The following PIAS1 variants were observed in gnomAD, a reference collection of about 807,000 sequenced individuals.
PIAS1 encodes the protein E3 SUMO-protein ligase PIAS1.
A neutral mutation model predicts 71.3 loss-of-function variants in PIAS1; 6 were observed. The observed-to-expected ratio is 0.08, with a 90% CI of 0.05 to 0.17. The LOEUF is 0.17. Ranked by LOEUF, PIAS1 falls within the 10% of genes least tolerant of loss-of-function variation. The pLI is 1.00. For missense variants in PIAS1, 555 were observed against 793.6 expected, an observed-to-expected ratio of 0.70 and a Z score of 3.61; for synonymous variants, 303 against 292.9, an observed-to-expected ratio of 1.03 and a Z score of -0.35.
At chr15:68,062,483 A>G (rs28741975) in intron 1 of PIAS1, among the ~76,000 whole-genome samples, 1,742 of 152,294 alleles carry the variant, frequency 0.011, 31 homozygotes, top group African/African-American at 0.04. Context: ...ATATTTTTTC[A>G]CCTCGAAAAG....
rs1243808649 is a variant in PIAS1 at position 68,103,275 on chromosome 15, T to A, written c.469+16525T>A. ...GGAAAGCTTCAAGATAAAATGATAT[T>A]TTTTTTTCTGTGTTTAGGCTTTTGC... On this transcript the variant is annotated intron_variant, in intron 2 of 13. Coordinates refer to ENST00000249636, the MANE Select transcript of PIAS1 (RefSeq NM_016166.3). 2.0e-5 allele frequency among the ~76,000 whole-genome samples: 3 copies of A among 151,666 alleles called. No individual in the cohort carries two copies. In the East Asian group the frequency reaches 5.8e-4, roughly 29 times the overall value.
rs114352299 is a variant in PIAS1 at position 68,141,023 on chromosome 15, A to T, written c.470-923A>T. The stretch of plus-strand genomic sequence containing the variant: ...CAAAAGGGATATTAACCACTGTTTT[A>T]AAAAAAAAATGTATCTAACATGTAC... On this transcript the variant is annotated intron_variant, in intron 2 of 13. Transcript: ENST00000249636. Among the ~76,000 whole-genome samples, 152 of 144,966 alleles carry T rather than the reference A, an allele frequency of 1.0e-3. 2 individuals are homozygous for T. Among genetic ancestry groups the T allele is most frequent in the African/African-American group, 2.9e-3 (118 of 40,676 alleles).
At chr15:68,055,827 A>T in intron 1 of PIAS1, 1 of 672,392 alleles carries the variant, frequency 1.5e-6, no homozygotes, top group Non-Finnish European at 2.7e-6. Flanking sequence ...TTGATTCTGT[A>T]GAGTTTTTCC....
In PIAS1 at chr15:68,189,154, A is replaced by C. The variant is rs2093106501; in HGVS notation, c.*1319A>C. 1.3e-5 allele frequency: 2 copies of C among 152,020 alleles called. No homozygotes were observed. Among genetic ancestry groups the C allele is most frequent in the African/African-American group, 4.8e-5 (2 of 41,388 alleles). The allele number at this position is 152,020 out of a possible 1,614,324, so 9.4% of individuals were successfully genotyped here. A position where few individuals can be genotyped will look rare whatever the true frequency, so the allele number is the denominator to read the frequency against. ...TAGAATTCATGGATCAGTCTGATCT[A>C]CTCTTATTCATAATGGAACATGTAA... On this transcript the variant is annotated 3_prime_UTR_variant, in exon 14 of 14. Coordinates refer to ENST00000249636, the MANE Select transcript of PIAS1 (RefSeq NM_016166.3).
At chr15:68,096,350 TAAGG>T (rs1443391577) in intron 2 of PIAS1, among the ~76,000 whole-genome samples, 4 of 152,138 alleles carry the variant, frequency 2.6e-5, no homozygotes, top group Non-Finnish European at 4.4e-5. Context: ...CGTTTTGAAA[TAAGG>T]AAGTGTGAGG....
rs2093103839 is a variant in PIAS1, at chr15:68,188,753, CAA to C, written c.*919_*920del. On this transcript the variant is annotated 3_prime_UTR_variant, in exon 14 of 14. Coordinates refer to ENST00000249636, the MANE Select transcript of PIAS1 (RefSeq NM_016166.3). ...GATTGCCAGTATTGTGTATTTAAAC[CAA>C]GTCTGTGAATACCTGCTTTTTTTGG... is the stretch of plus-strand genomic sequence containing the variant. 1 of 152,094 alleles carries C rather than the reference CAA, an allele frequency of 6.6e-6. No individual in the cohort carries two copies. 9.4% of individuals were successfully genotyped at this position (152,094 alleles called of 1,614,324 possible). A position where few individuals can be genotyped will look rare whatever the true frequency, so the allele number is the denominator to read the frequency against.
chr15:68,152,028 C>T (rs1350049723), intron 6 of PIAS1, among the ~76,000 whole-genome samples: 6 of 133,086 alleles, frequency 4.5e-5, no homozygotes, highest in African/African-American at 1.4e-4. Flanking sequence ...TGGCTCACTG[C>T]AAGCTCTGCC....
chr15:68,054,508 G>A lies in PIAS1; in HGVS notation c.24+158G>A. 1 of 660,630 alleles carries A rather than the reference G, an allele frequency of 1.5e-6. No individual in the cohort carries two copies. Among genetic ancestry groups the A allele is most frequent in the Non-Finnish European group, 2.4e-6 (1 of 418,684 alleles). The allele number at this position is 660,630 out of a possible 1,614,324, so 40.9% of individuals were successfully genotyped here. ...GGCGCGCCCGGTCTCAGCAGAGGGG[G>A]CCCGCCTGCGGCGGGCCGCGGGCCC... On this transcript the variant is annotated intron_variant, in intron 1 of 13. Transcript: ENST00000249636. The surrounding 1 kb of genome is among the most constrained non-coding windows in gnomAD (Gnocchi z 4.6).
chr15:68,126,984 G>GAGTGCAGTGGCATGATTTC (rs2092655598), intron 2 of PIAS1, among the ~76,000 whole-genome samples: 1 of 151,710 alleles, frequency 6.6e-6, no homozygotes, highest in Admixed American at 6.6e-5. Flanking sequence ...ACCCAATCTG[G>GAGTGCAGTGGCATGATTTC]AGTGCAGTGG....
chr15:68,160,326 A>G (rs937506180), intron 7 of PIAS1, among the ~76,000 whole-genome samples: 2 of 152,090 alleles, frequency 1.3e-5, no homozygotes, highest in Non-Finnish European at 2.9e-5. Context: ...TTTCCCCCAC[A>G]TAGATATCGA....
chr15:68,159,583 G>A (rs572467233), intron 7 of PIAS1, among the ~76,000 whole-genome samples: 10 of 152,048 alleles, frequency 6.6e-5, no homozygotes, highest in Non-Finnish European at 1.3e-4. Context: ...AGCCTTTTGC[G>A]TCTGGCTTCT....
intron 2 of PIAS1, among the ~76,000 whole-genome samples, chr15:68,126,901 C>G (rs1255448495): frequency 2.0e-5 from 3 of 151,410 alleles, no homozygotes; most frequent in Non-Finnish European, 2.9e-5. Flanking sequence ...CTTAGTCGTG[C>G]TGGCATGTCT....
At chr15:68,169,608 AAAAATACAAAGATT>A (rs1191365534) in intron 8 of PIAS1, among the ~76,000 whole-genome samples, 1 of 152,272 alleles carries the variant, frequency 6.6e-6, no homozygotes, top group Non-Finnish European at 1.5e-5. Flanking sequence ...CTGTTTCTCA[AAAAATACAAAGATT>A]AAAATTGAGT....
At chr15:68,146,837 A>T (rs1263371305) in intron 6 of PIAS1, 137 bp downstream of exon 6, 3 of 725,928 alleles carry the variant, frequency 4.1e-6, no homozygotes, top group African/African-American at 3.5e-5. Flanking sequence ...AATTTTCAAC[A>T]TGTTTCCATT....
chr15:68,165,560 A>G (rs1027036851), intron 8 of PIAS1, among the ~76,000 whole-genome samples: 1 of 152,354 alleles, frequency 6.6e-6, no homozygotes. Flanking sequence ...CTAAATGCTG[A>G]ATTTGTTATA....
intron 2 of PIAS1, among the ~76,000 whole-genome samples, chr15:68,124,536 A>G (rs1292407316): frequency 6.6e-6 from 1 of 152,076 alleles, no homozygotes; most frequent in African/African-American, 2.4e-5. Context: ...AGTCTGGCCA[A>G]CATGGTGAAA....
chr15:68,069,753 G>A (rs1010020659), intron 1 of PIAS1, among the ~76,000 whole-genome samples: 16 of 144,994 alleles, frequency 1.1e-4, no homozygotes, highest in African/African-American at 3.3e-4. Context: ...GCAGTGAGCC[G>A]ACATTGTGCC....
At chr15:68,175,410 T>C (rs115645689) in intron 9 of PIAS1, among the ~76,000 whole-genome samples, 2 of 152,348 alleles carry the variant, frequency 1.3e-5, no homozygotes, top group African/African-American at 4.8e-5. Flanking sequence ...AATGAAGCTT[T>C]CTTTTGTTGA....
intron 6 of PIAS1, among the ~76,000 whole-genome samples, chr15:68,147,091 C>T (rs911491036): frequency 6.6e-6 from 1 of 152,200 alleles, no homozygotes; most frequent in Non-Finnish European, 1.5e-5. Flanking sequence ...GTAGCTATAA[C>T]TTTGCATGCA....
Sources: allele counts gnomAD v4.1 joint callset (sites outside exome capture counted in the v4.1 genomes callset), GRCh38; gene constraint gnomAD v4.1.1; non-coding constraint Gnocchi (gnomAD v3.1); transcripts MANE v1.5; gene names NCBI Gene and HGNC (gene_info 2026-07-23, HGNC 2026-07-21).